ERBB4: variants seen among roughly 807,000 people sequenced by gnomAD.
ERBB4 encodes erb-b2 receptor tyrosine kinase 4.
In ERBB4, 42 loss-of-function variants were observed where a neutral mutation model predicts 158.0. The observed-to-expected ratio is 0.27, with a 90% CI of 0.21 to 0.34. The LOEUF (loss-of-function observed/expected upper bound fraction) is 0.34. Among genes scored for constraint, ERBB4 ranks in the 10% least tolerant of loss-of-function variants. The probability of loss-of-function intolerance (pLI) is 1.00; values close to 1 mark genes in which losing one functional copy is unlikely to be tolerated. For missense variants in ERBB4, 1,333 were observed against 1,624.1 expected, an observed-to-expected ratio of 0.82 and a Z score of 3.08; for synonymous variants, 583 against 558.7, an observed-to-expected ratio of 1.04 and a Z score of -0.61.
intron 20 of ERBB4, among the ~76,000 whole-genome samples, chr2:211,518,653 A>T (rs1200355348): frequency 3.3e-5 from 5 of 149,942 alleles, no homozygotes; most frequent in African/African-American, 4.9e-5. Flanking sequence ...GACTCTGCCA[A>T]AAAAAAAAAG....
intron 3 of ERBB4, among the ~76,000 whole-genome samples, chr2:211,811,746 T>A (rs1044864587): frequency 1.3e-5 from 2 of 152,120 alleles, no homozygotes; most frequent in Non-Finnish European, 2.9e-5. Context: ...ACTTCTCTTC[T>A]CACTTTATTT....
chr2:212,233,176 T>A (rs747798330), intron 1 of ERBB4, among the ~76,000 whole-genome samples: 2 of 152,154 alleles, frequency 1.3e-5, no homozygotes, highest in Non-Finnish European at 2.9e-5. Context: ...ATAATGACCA[T>A]GCTTTACACC....
At chr2:211,496,811 A>G (rs2065480524) in intron 20 of ERBB4, among the ~76,000 whole-genome samples, 1 of 152,140 alleles carries the variant, frequency 6.6e-6, no homozygotes, top group Non-Finnish European at 1.5e-5. Context: ...TGCCTGGGTT[A>G]TCCTCCAAAC....
chr2:211,789,826 A>C (rs529167442), intron 3 of ERBB4, among the ~76,000 whole-genome samples: 2 of 152,148 alleles, frequency 1.3e-5, no homozygotes, highest in East Asian at 3.9e-4. Context: ...ACACCACAAG[A>C]GGGTTATTTG....
intron 1 of ERBB4, among the ~76,000 whole-genome samples, chr2:212,430,517 T>G (rs1165402808): frequency 6.6e-6 from 1 of 151,826 alleles, no homozygotes; most frequent in Non-Finnish European, 1.5e-5. Flanking sequence ...CTTGGCTCAC[T>G]GCAGCCTCCA....
chr2:211,869,029 A>AT (rs773838895), intron 3 of ERBB4, among the ~76,000 whole-genome samples: 1 of 152,016 alleles, frequency 6.6e-6, no homozygotes, highest in East Asian at 1.9e-4. Context: ...ATGACTTAAC[A>AT]TTTTCTCTAA....
At chr2:212,267,761 C>G (rs527992492) in intron 1 of ERBB4, among the ~76,000 whole-genome samples, 17 of 151,490 alleles carry the variant, frequency 1.1e-4, no homozygotes, top group Non-Finnish European at 2.1e-4. Flanking sequence ...TCCCCCACCC[C>G]ACAACAGGCC....
At chr2:211,394,103 A>G (rs1374489516) in intron 25 of ERBB4, among the ~76,000 whole-genome samples, 1 of 152,164 alleles carries the variant, frequency 6.6e-6, no homozygotes, top group Non-Finnish European at 1.5e-5. Flanking sequence ...TCATGGCTAA[A>G]TGAGTCAATA....
At chr2:211,969,530 C>T (rs550654853) in intron 2 of ERBB4, among the ~76,000 whole-genome samples, 2 of 152,092 alleles carry the variant, frequency 1.3e-5, no homozygotes, top group South Asian at 2.1e-4. Flanking sequence ...GTTGCAGAAG[C>T]TCTTTAAGTG....
chr2:212,462,498 A>T (rs979276810), intron 1 of ERBB4, among the ~76,000 whole-genome samples: 2 of 152,194 alleles, frequency 1.3e-5, no homozygotes, highest in Non-Finnish European at 2.9e-5. Context: ...CAAGCATATA[A>T]ATATGTTCAA....
intron 1 of ERBB4, among the ~76,000 whole-genome samples, chr2:212,455,254 A>C (rs1688225480): frequency 6.6e-6 from 1 of 152,176 alleles, no homozygotes; most frequent in Admixed American, 6.6e-5. Flanking sequence ...TTTAACACCT[A>C]GGTGCCTCCC....
At chr2:211,958,893 G>T (rs910452555) in intron 2 of ERBB4, among the ~76,000 whole-genome samples, 2 of 151,928 alleles carry the variant, frequency 1.3e-5, no homozygotes, top group Non-Finnish European at 2.9e-5. Flanking sequence ...TATCCTAAAA[G>T]TCTCAAAATC....
chr2:212,032,847 G>A (rs1210309969), intron 2 of ERBB4, among the ~76,000 whole-genome samples: 4 of 151,820 alleles, frequency 2.6e-5, no homozygotes, highest in African/African-American at 9.7e-5. Flanking sequence ...TATTTATATG[G>A]AACTGAAAAT....
At chr2:211,792,830 A>G (rs941004359) in intron 3 of ERBB4, among the ~76,000 whole-genome samples, 1 of 151,978 alleles carries the variant, frequency 6.6e-6, no homozygotes, top group African/African-American at 2.4e-5. Flanking sequence ...TCTAATAAAT[A>G]AGGAAATGTT....
intron 3 of ERBB4, among the ~76,000 whole-genome samples, chr2:211,829,952 A>G (rs1339505389): frequency 6.6e-6 from 1 of 152,166 alleles, no homozygotes. Context: ...TGCTACTCCA[A>G]TCACATTACT....
chr2:212,354,325 C>T (rs1560096904), intron 1 of ERBB4, among the ~76,000 whole-genome samples: 1 of 152,024 alleles, frequency 6.6e-6, no homozygotes, highest in Non-Finnish European at 1.5e-5. Flanking sequence ...AGCTGTGAGA[C>T]TCCTGAGGTG....
chr2:211,680,486 T>C (rs753679697), intron 12 of ERBB4, among the ~76,000 whole-genome samples: 1 of 152,184 alleles, frequency 6.6e-6, no homozygotes, highest in Non-Finnish European at 1.5e-5. Flanking sequence ...TTACTTATTA[T>C]GAGATGTAAA....
intron 1 of ERBB4, among the ~76,000 whole-genome samples, chr2:212,447,774 T>TTGTGTGTGTGTGTGTG (rs3040357): frequency 5.4e-5 from 8 of 147,208 alleles, no homozygotes; most frequent in Admixed American, 1.4e-4. Context: ...TCATAAAAGA[T>TTGTGTGTGTGTGTGTG]TGTGTGTGTG....
intron 25 of ERBB4, among the ~76,000 whole-genome samples, chr2:211,404,196 T>C (rs375646587): frequency 2.7e-4 from 41 of 152,210 alleles, no homozygotes; most frequent in African/African-American, 9.1e-4. Context: ...ACTCTTGATT[T>C]ATCTCTTTTG....
Sources: allele counts gnomAD v4.1 joint callset (sites outside exome capture counted in the v4.1 genomes callset), GRCh38; gene constraint gnomAD v4.1.1; transcripts MANE v1.5; gene names NCBI Gene and HGNC (gene_info 2026-07-23, HGNC 2026-07-21).